KIAA2012: variants seen among roughly 807,000 people sequenced by gnomAD.
KIAA2012 encodes the protein uncharacterized protein KIAA2012.
In KIAA2012, 125 loss-of-function variants were observed where a neutral mutation model predicts 150.6. The ratio of observed to expected loss-of-function variants is 0.83; its 90% CI spans 0.72 to 0.96. The LOEUF is 0.96. Among genes scored for constraint, KIAA2012 ranks in the 40% least tolerant of loss-of-function variants. The pLI is 0.00. For synonymous variants in KIAA2012, 462 were observed against 504.7 expected, an observed-to-expected ratio of 0.92 and a Z score of 1.13; for missense variants, 1,219 against 1,354.9, an observed-to-expected ratio of 0.90 and a Z score of 1.57.
At chr2:202,151,764 A>ATATT (rs775349180) in intron 13 of KIAA2012, among the ~76,000 whole-genome samples, 6 of 152,054 alleles carry the variant, frequency 3.9e-5, no homozygotes, top group Non-Finnish European at 5.9e-5. Context: ...TATTACTTTT[A>ATATT]TATTTATTTA....
At chr2:202,191,771 C>A (rs1032613795) in intron 19 of KIAA2012, among the ~76,000 whole-genome samples, 1 of 152,190 alleles carries the variant, frequency 6.6e-6, no homozygotes, top group African/African-American at 2.4e-5. Context: ...TACAAATGCA[C>A]ACACAGCTAA....
At chr2:202,183,271 A>C (rs1692157509) in intron 15 of KIAA2012, among the ~76,000 whole-genome samples, 1 of 152,028 alleles carries the variant, frequency 6.6e-6, no homozygotes, top group Non-Finnish European at 1.5e-5. Flanking sequence ...AATAGAAAAA[A>C]TTAGCCGAGT....
rs1480573577 is a variant in KIAA2012 at position 202,138,418 on chromosome 2, G to T, written c.1832-14G>T. ...ACCACCTTGATCTTTTTTCCTCTTTGATTTTCACTACAGCAAACACTGAAC... is the reference window on the plus strand; with the variant it reads ...ACCACCTTGATCTTTTTTCCTCTTTTATTTTCACTACAGCAAACACTGAAC... On this transcript the variant is annotated splice_polypyrimidine_tract_variant and intron_variant, in intron 12 of 23. Transcript: ENST00000498697. The T allele has an allele frequency of 6.5e-7, 1 of 1,548,844 alleles. No individual in the cohort carries two copies. The highest frequency in any genetic ancestry group is 8.7e-7 in the Non-Finnish European group (1 of 1,145,584).
At chr2:202,133,129 TA>T (rs202102595) in intron 12 of KIAA2012, among the ~76,000 whole-genome samples, 5,129 of 106,154 alleles carry the variant, frequency 0.048, 456 homozygotes, top group Non-Finnish European at 0.069. Flanking sequence ...TATATATATA[TA>T]TTTTTTTTTT....
chr2:202,095,761 C>A (rs368354767), intron 4 of KIAA2012, among the ~76,000 whole-genome samples: 1 of 152,052 alleles, frequency 6.6e-6, no homozygotes, highest in Non-Finnish European at 1.5e-5. Context: ...CTCACAATGC[C>A]GCCCACCCCA....
At position 202,187,020 on chromosome 2, in the gene KIAA2012, A is replaced by G. The variant is rs1224299907; in HGVS notation, c.2298A>G (p.Thr766=). 6.4e-6 allele frequency: 10 copies of G among 1,550,556 alleles called. No individual in the cohort carries two copies. The highest frequency in any genetic ancestry group is 2.4e-5 in the East Asian group (1 of 40,922). ...CCGAGAGGTTGAGTGCTGTGTATACATCTCTTCTTCCAAGAGAAAGAGAAG... is the reference window on the plus strand; with the variant it reads ...CCGAGAGGTTGAGTGCTGTGTATACGTCTCTTCTTCCAAGAGAAAGAGAAG... The part of the protein sequence containing the change: ...ESPERLSAVY[T]SLLPREREGK... Residue 766 remains threonine, a synonymous_variant, in exon 17 of 24, where the codon ACA becomes ACG. Coordinates refer to ENST00000498697, the MANE Select transcript of KIAA2012 (RefSeq NM_001277372.4).
chr2:202,088,369 T>G (rs1219746597), intron 2 of KIAA2012, among the ~76,000 whole-genome samples: 1 of 152,240 alleles, frequency 6.6e-6, no homozygotes, highest in African/African-American at 2.4e-5. Context: ...CCACCTACTA[T>G]GTGCATTAAG....
intron 11 of KIAA2012, chr2:202,113,654 G>A (rs546943130): frequency 5.5e-6 from 3 of 544,794 alleles, no homozygotes; most frequent in African/African-American, 3.8e-5. Context: ...TCTTGCTGGA[G>A]CATTTGGAGA....
intron 23 of KIAA2012, among the ~76,000 whole-genome samples, chr2:202,203,494 A>G (rs1015338380): frequency 6.6e-6 from 1 of 152,228 alleles, no homozygotes; most frequent in Non-Finnish European, 1.5e-5. Context: ...ACTGCTGAGT[A>G]CACAGCACCA....
intron 12 of KIAA2012, among the ~76,000 whole-genome samples, chr2:202,133,089 T>C (rs1227510918): frequency 8.3e-6 from 1 of 120,160 alleles, no homozygotes; most frequent in Non-Finnish European, 1.7e-5. Flanking sequence ...TGGGCGACAG[T>C]GTGAGACTGT....
intron 12 of KIAA2012, among the ~76,000 whole-genome samples, chr2:202,132,827 T>G (rs1690981709): frequency 7.4e-6 from 1 of 135,804 alleles, no homozygotes; most frequent in Non-Finnish European, 1.6e-5. Context: ...CCAGGCACAG[T>G]GGCTCAAGCC....
intron 15 of KIAA2012, among the ~76,000 whole-genome samples, chr2:202,165,980 A>G (rs569333381): frequency 4.6e-5 from 7 of 152,330 alleles, no homozygotes; most frequent in Admixed American, 1.3e-4. Flanking sequence ...TTCAAGGCAG[A>G]GTGACACTAG....
At chr2:202,083,997 G>A (rs1448669799) in intron 2 of KIAA2012, among the ~76,000 whole-genome samples, 1 of 152,166 alleles carries the variant, frequency 6.6e-6, no homozygotes, top group Admixed American at 6.5e-5. Flanking sequence ...GACCTTCCAG[G>A]CTTAGGTGAG....
intron 12 of KIAA2012, chr2:202,137,516 C>G (rs1296258146): frequency 6.6e-6 from 1 of 152,044 alleles, no homozygotes; most frequent in Non-Finnish European, 1.5e-5. Flanking sequence ...GGGGTTTCAC[C>G]TTGTTGGCCA....
intron 4 of KIAA2012, among the ~76,000 whole-genome samples, chr2:202,094,211 A>G (rs543704165): frequency 3.9e-5 from 6 of 152,320 alleles, no homozygotes; most frequent in African/African-American, 1.4e-4. Flanking sequence ...TGAGCCCAGG[A>G]GTTCAAGGCT....
At chr2:202,081,300 C>T (rs1689446643) in intron 2 of KIAA2012, among the ~76,000 whole-genome samples, 1 of 152,128 alleles carries the variant, frequency 6.6e-6, no homozygotes, top group African/African-American at 2.4e-5. Flanking sequence ...TGAACAATGC[C>T]CTATAAACAT....
At chr2:202,202,663 C>T (rs1692552342) in intron 23 of KIAA2012, 76 bp downstream of exon 23, 1 of 395,732 alleles carries the variant, frequency 2.5e-6, no homozygotes, top group African/African-American at 2.1e-5. Flanking sequence ...CACGGTGGCT[C>T]ATGCATGTAA....
chr2:202,186,940 G>A lies in KIAA2012; in HGVS notation c.2218G>A (p.Asp740Asn), dbSNP rs1692239417. Residue 740 changes from aspartate to asparagine, a missense_variant, in exon 17 of 24, where the codon GAT becomes AAT. Transcript: ENST00000498697. ...EADIVQKVGRDYDVHHLHRGL... is the reference protein window; with the variant it reads ...EADIVQKVGRNYDVHHLHRGL... ...GGTTTGCTCTTTTCAAAGGGGCAGAGATTATGATGTACACCACCTACACAG... is the reference window on the plus strand; with the variant it reads ...GGTTTGCTCTTTTCAAAGGGGCAGAAATTATGATGTACACCACCTACACAG... The A allele has an allele frequency of 3.2e-6, 5 of 1,550,450 alleles. No homozygotes were observed. The East Asian group carries it at 7.3e-5, about 23-fold the overall frequency.
chr2:202,174,772 A>G (rs1053001042), intron 15 of KIAA2012, among the ~76,000 whole-genome samples: 1 of 152,238 alleles, frequency 6.6e-6, no homozygotes, highest in African/African-American at 2.4e-5. Context: ...ACTTGAGAAC[A>G]TATCTCTCAA....
Sources: allele counts gnomAD v4.1 joint callset (sites outside exome capture counted in the v4.1 genomes callset), GRCh38; gene constraint gnomAD v4.1.1; transcripts MANE v1.5; gene names NCBI Gene and HGNC (gene_info 2026-07-23, HGNC 2026-07-21).